Variants in CIT observed in about 807,000 individuals in gnomAD.
CIT encodes the protein citron rho-interacting serine/threonine kinase, also known as citron Rho-interacting kinase.
Under a neutral mutation model 272.7 loss-of-function variants are expected in CIT, and 79 were observed. The ratio of observed to expected loss-of-function variants is 0.29; its 90% confidence interval spans 0.24 to 0.35. The LOEUF is 0.35. Ranked by LOEUF, CIT falls within the 10% of genes least tolerant of loss-of-function variation. CIT has a pLI of 1.00. For missense variants in CIT, 1,909 were observed against 2,618.3 expected (o/e 0.73, Z 5.91); for synonymous variants, 948 against 995.6 (o/e 0.95, Z 0.90).
chr12:119,747,491 C>T (rs1156264990), intron 23 of CIT, among the ~76,000 whole-genome samples: 3 of 151,090 alleles, frequency 2.0e-5, no homozygotes, highest in South Asian at 2.1e-4. Flanking sequence ...GAGGCAGAGG[C>T]GGGTGGATCA....
intron 30 of CIT, among the ~76,000 whole-genome samples, chr12:119,719,583 G>A (rs1741511582): frequency 6.6e-6 from 1 of 152,198 alleles, no homozygotes; most frequent in African/African-American, 2.4e-5. Flanking sequence ...AACGTCTAGT[G>A]GGAGGCGGCC....
chr12:119,781,820 T>TA, intron 13 of CIT, among the ~76,000 whole-genome samples: 1 of 152,260 alleles, frequency 6.6e-6, no homozygotes, highest in Non-Finnish European at 1.5e-5. Context: ...TTTATGTAAG[T>TA]AAAACTATGA....
chr12:119,759,329 G>A (rs866194928), intron 20 of CIT, among the ~76,000 whole-genome samples: 2 of 152,208 alleles, frequency 1.3e-5, no homozygotes, highest in Non-Finnish European at 2.9e-5. Flanking sequence ...GCGAGGGATC[G>A]AGGTTGCGTG....
chr12:119,874,920 T>C (rs930579848), intron 2 of CIT, among the ~76,000 whole-genome samples: 12 of 151,102 alleles, frequency 7.9e-5, no homozygotes, highest in Admixed American at 4.6e-4. Context: ...AAAATAAACA[T>C]CCCTGCAATG....
chr12:119,861,834 GAAACC>G (rs1180173540), intron 3 of CIT, among the ~76,000 whole-genome samples: 1 of 152,150 alleles, frequency 6.6e-6, no homozygotes, highest in African/African-American at 2.4e-5. Flanking sequence ...AAAATAATCA[GAAACC>G]ACCTAAAGGT....
At chr12:119,833,702 G>A (rs1968805561) in intron 6 of CIT, among the ~76,000 whole-genome samples, 1 of 150,868 alleles carries the variant, frequency 6.6e-6, no homozygotes, top group Admixed American at 6.6e-5. Flanking sequence ...AAATTCTAAC[G>A]GGCAGAGTTA....
intron 14 of CIT, 42 bp from the exon 15 acceptor site, chr12:119,776,450 C>T (rs1393111671): frequency 6.4e-7 from 1 of 1,564,674 alleles, no homozygotes; most frequent in East Asian, 2.2e-5. Context: ...ATCTCAACAA[C>T]CTAAAAAAGT....
At chr12:119,781,157 T>C (rs1964252632) in intron 13 of CIT, among the ~76,000 whole-genome samples, 1 of 152,222 alleles carries the variant, frequency 6.6e-6, no homozygotes, top group African/African-American at 2.4e-5. Flanking sequence ...ATGAGTCAAC[T>C]GTCAAAGCAG....
chr12:119,691,516 G>A (rs1194625115), intron 46 of CIT, among the ~76,000 whole-genome samples: 2 of 152,216 alleles, frequency 1.3e-5, no homozygotes, highest in East Asian at 1.9e-4. Context: ...TAAGACGACC[G>A]AGAGGTGTAG....
chr12:119,787,250 A>C (rs1019363106), intron 10 of CIT, among the ~76,000 whole-genome samples: 2 of 151,786 alleles, frequency 1.3e-5, no homozygotes, highest in African/African-American at 4.8e-5. Context: ...CAGGTACCAC[A>C]CCCAGCCGTC....
intron 12 of CIT, chr12:119,782,918 C>A (rs935495013): frequency 5.7e-5 from 17 of 297,336 alleles, no homozygotes; most frequent in African/African-American, 3.2e-4. Flanking sequence ...TACTTACTTG[C>A]ATGTTCAGGA....
intron 3 of CIT, among the ~76,000 whole-genome samples, chr12:119,858,246 G>A (rs538956325): frequency 7.9e-5 from 12 of 152,298 alleles, no homozygotes; most frequent in Middle Eastern, 3.4e-3. Flanking sequence ...TCCAGGCATG[G>A]TGGCTGACGC....
At chr12:119,721,591 G>T in intron 28 of CIT, 142 bp from the exon 29 acceptor site, 1 of 796,564 alleles carries the variant, frequency 1.3e-6, no homozygotes. Context: ...ATTACCAATT[G>T]TCATCTATTC....
intron 5 of CIT, among the ~76,000 whole-genome samples, chr12:119,838,231 C>T (rs1362035466): frequency 6.6e-6 from 1 of 152,018 alleles, no homozygotes; most frequent in African/African-American, 2.4e-5. Context: ...CGCCACCATG[C>T]CCAGCTAATT....
At position 119,834,087 on chromosome 12, in the gene CIT, G is replaced by C. The variant is rs202076791; in HGVS notation, c.658C>G (p.Arg220Gly). The C allele has an allele frequency of 5.6e-6, 9 of 1,606,434 alleles. No individual in the cohort carries two copies. Among genetic ancestry groups the C allele is most frequent in the Non-Finnish European group, 7.6e-6 (9 of 1,177,878 alleles). ...AAATGCTACCAGAGTCTCACTTACC[G>C]ATGCACGTATCCCATCAGATGAACG... ...HSVHLMGYVH[R>G]DIKPENILVD... Residue 220 changes from arginine to glycine, a missense_variant and splice_region_variant, in exon 6 of 48, where the codon CGA becomes GGA. Transcript: ENST00000392521.
At chr12:119,865,812 G>T (rs1353245135) in intron 3 of CIT, among the ~76,000 whole-genome samples, 1 of 144,102 alleles carries the variant, frequency 6.9e-6, no homozygotes, top group Non-Finnish European at 1.5e-5. Context: ...GGAGGTTGCA[G>T]TGAGCTGAGA....
In CIT at chr12:119,728,598, G is replaced by A; in HGVS notation, c.3495C>T (p.Asp1165=). The A allele has an allele frequency of 6.2e-7, 1 of 1,608,132 alleles. No individual in the cohort carries two copies. The highest frequency in any genetic ancestry group is 8.5e-7 in the Non-Finnish European group (1 of 1,175,596). The change falls in exon 28 of 48, where the codon GAC becomes GAT. Residue 1165 remains aspartate, a synonymous_variant. Coordinates refer to ENST00000392521, the MANE Select transcript of CIT (RefSeq NM_001206999.2). The surrounding 1 kb of genome is among the most constrained non-coding windows in gnomAD (Gnocchi z 4.3). ...KAESLSDKLN[D]LEKKHAMLEM... is the part of the protein sequence containing the mutation. ...CAAGCATAGCATGCTTCTTCTCCAG[G>A]TCATTGAGCTAGACATTTGGAAAGA... is the stretch of plus-strand genomic sequence containing the variant.
intron 26 of CIT, among the ~76,000 whole-genome samples, chr12:119,733,818 G>A (rs1226176514): frequency 6.6e-6 from 1 of 152,074 alleles, no homozygotes; most frequent in Non-Finnish European, 1.5e-5. Context: ...GGATTAAAAT[G>A]GTAATGGTTT....
In CIT at chr12:119,687,150, A is replaced by G. The variant is rs1955625583; in HGVS notation, c.*1082T>C. ...GCTTGTGGTGGCCAGTTAGTCGGCA[A>G]GTCGTCAGAGGGTCTCGATTTGGCA... On this transcript the variant is annotated 3_prime_UTR_variant, in exon 48 of 48. Transcript: ENST00000392521. 6.5e-6 allele frequency: 1 copy of G among 152,770 alleles called. No homozygotes were observed. The highest frequency in any genetic ancestry group is 2.4e-5 in the African/African-American group (1 of 41,444). 9.5% of individuals were successfully genotyped at this position (152,770 alleles called of 1,614,324 possible). A position where few individuals can be genotyped will look rare whatever the true frequency, so the allele number is the denominator to read the frequency against.
Sources: allele counts gnomAD v4.1 joint callset (sites outside exome capture counted in the v4.1 genomes callset), GRCh38; gene constraint gnomAD v4.1.1; non-coding constraint Gnocchi (gnomAD v3.1); transcripts MANE v1.5; gene names NCBI Gene and HGNC (gene_info 2026-07-23, HGNC 2026-07-21).